The following COL5A2 variants were observed in gnomAD, a reference collection of about 807,000 sequenced individuals.
COL5A2 encodes collagen type V alpha 2 chain, also known as collagen alpha-2(V) chain.
Under a neutral mutation model 208.2 loss-of-function variants are expected in COL5A2, and 23 were observed. The observed-to-expected ratio is 0.11, with a 90% CI of 0.08 to 0.16. COL5A2 has a LOEUF of 0.16. COL5A2 is among the 10% of genes least tolerant of loss of function. The pLI is 1.00. For missense variants in COL5A2, 1,590 were observed against 1,956.4 expected (o/e 0.81, Z 3.53); for synonymous variants, 625 against 628.5 (o/e 0.99, Z 0.08).
At chr2:189,054,008 C>T in intron 36 of COL5A2, 60 bp from the exon 37 acceptor site, 5 of 1,529,206 alleles carry the variant, frequency 3.3e-6, no homozygotes, top group Non-Finnish European at 3.6e-6. Flanking sequence ...AATTTTAGGA[C>T]ATTGGTCACT....
At chr2:189,338,669 G>A in the COL5A2 span, among the ~76,000 whole-genome samples, 1 of 146,504 alleles carries the variant, frequency 6.8e-6, no homozygotes, top group Non-Finnish European at 1.5e-5. Flanking sequence ...ATTATAAAAT[G>A]TTTTTATATT....
At chr2:189,034,660 A>G (rs1685404950) in intron 53 of COL5A2, among the ~76,000 whole-genome samples, 1 of 152,176 alleles carries the variant, frequency 6.6e-6, no homozygotes, top group South Asian at 2.1e-4. Flanking sequence ...AACTTGGAAA[A>G]GAACCAAAGA....
At chr2:189,149,896 T>C (rs1456114881) in intron 1 of COL5A2, among the ~76,000 whole-genome samples, 1 of 152,162 alleles carries the variant, frequency 6.6e-6, no homozygotes, top group Admixed American at 6.5e-5. Flanking sequence ...AATAGAACCT[T>C]TTATTTAGTG....
At chr2:189,358,247 T>A in the COL5A2 span, among the ~76,000 whole-genome samples, 1 of 151,748 alleles carries the variant, frequency 6.6e-6, no homozygotes, top group South Asian at 2.1e-4. Context: ...AAAAAAAAAA[T>A]CACTTCAAAA....
the COL5A2 span, among the ~76,000 whole-genome samples, chr2:189,233,042 A>C: frequency 6.6e-6 from 1 of 151,800 alleles, no homozygotes; most frequent in Non-Finnish European, 1.5e-5. Context: ...TAAGAGAATA[A>C]GCAGCTGGAT....
the COL5A2 span, among the ~76,000 whole-genome samples, chr2:189,306,021 G>C: frequency 3.3e-5 from 5 of 152,184 alleles, no homozygotes; most frequent in African/African-American, 1.2e-4. Flanking sequence ...TCTCTTGAAG[G>C]ACTATTGAAT....
chr2:189,188,879 C>A (rs1167328558), intron 1 of COL5A2, among the ~76,000 whole-genome samples: 1 of 152,138 alleles, frequency 6.6e-6, no homozygotes, highest in Non-Finnish European at 1.5e-5. Context: ...GCAGGGAAGT[C>A]AAAGTGATAT....
the COL5A2 span, among the ~76,000 whole-genome samples, chr2:189,395,467 T>C: frequency 0.14 from 21,590 of 152,228 alleles, 1,957 homozygotes; most frequent in South Asian, 0.21. Flanking sequence ...GCCTCCCTTT[T>C]GGTTTTTATC....
chr2:189,154,521 C>G (rs549980646), intron 1 of COL5A2, among the ~76,000 whole-genome samples: 1 of 152,324 alleles, frequency 6.6e-6, no homozygotes, highest in East Asian at 1.9e-4. Context: ...CCCAGCATAG[C>G]AGAATCTTGC....
chr2:189,215,639 C>T (rs1045565907), intron 1 of COL5A2, among the ~76,000 whole-genome samples: 4 of 151,558 alleles, frequency 2.6e-5, no homozygotes, highest in Non-Finnish European at 4.4e-5. Context: ...TTGGGCAGTG[C>T]TATTCTGAAA....
chr2:189,402,500 G>C, the COL5A2 span, among the ~76,000 whole-genome samples: 7 of 152,384 alleles, frequency 4.6e-5, no homozygotes, highest in Non-Finnish European at 1.0e-4. Flanking sequence ...ACACAGGCAT[G>C]AGCCACTGTG....
At chr2:189,189,605 T>C (rs759782170) in intron 1 of COL5A2, among the ~76,000 whole-genome samples, 5 of 152,106 alleles carry the variant, frequency 3.3e-5, no homozygotes, top group Non-Finnish European at 7.4e-5. Flanking sequence ...TGAGCTATGA[T>C]CATGCCACTG....
intron 1 of COL5A2, among the ~76,000 whole-genome samples, chr2:189,133,772 AAGTGTTAATGAC>A (rs1185308987): frequency 6.6e-6 from 1 of 152,160 alleles, no homozygotes; most frequent in Admixed American, 6.5e-5. Context: ...TTCACCAACC[AAGTGTTAATGAC>A]AGAATCAGAG....
intron 1 of COL5A2, among the ~76,000 whole-genome samples, chr2:189,188,103 T>A (rs1247777949): frequency 6.6e-6 from 1 of 152,224 alleles, no homozygotes; most frequent in Non-Finnish European, 1.5e-5. Context: ...TATATTATGT[T>A]TATTGAGATG....
At chr2:189,308,156 T>C in the COL5A2 span, among the ~76,000 whole-genome samples, 1 of 151,900 alleles carries the variant, frequency 6.6e-6, no homozygotes, top group African/African-American at 2.4e-5. Context: ...TGTTTTCTCA[T>C]GGAAAATCTC....
upstream of COL5A2, among the ~76,000 whole-genome samples, chr2:189,184,606 C>T (rs1419148149): frequency 6.6e-6 from 1 of 152,168 alleles, no homozygotes; most frequent in Non-Finnish European, 1.5e-5. Context: ...ATAGCATATT[C>T]CTGACATGTC....
At chr2:189,129,514 T>G (rs902235597) in intron 1 of COL5A2, among the ~76,000 whole-genome samples, 4 of 152,080 alleles carry the variant, frequency 2.6e-5, no homozygotes, top group Non-Finnish European at 5.9e-5. Flanking sequence ...AATAATTTTA[T>G]GTCAAATTTC....
chr2:189,048,489 T>C (rs1685717223), intron 44 of COL5A2, among the ~76,000 whole-genome samples: 1 of 152,240 alleles, frequency 6.6e-6, no homozygotes, highest in Non-Finnish European at 1.5e-5. Context: ...TTATATTTCT[T>C]ATTTTGAAAA....
At chr2:189,225,248 C>CT (rs1275574720) in exon 1 of COL5A2, among the ~76,000 whole-genome samples, 2 of 152,068 alleles carry the variant, frequency 1.3e-5, no homozygotes, top group African/African-American at 4.8e-5. Flanking sequence ...ATCCAAAAGC[C>CT]TAATAAGGCT....
Sources: gnomAD v4.1 joint callset for allele counts (sites outside exome capture counted in the v4.1 genomes callset) on GRCh38, gnomAD v4.1.1 for gene constraint, MANE v1.5 for transcripts, NCBI Gene and HGNC (gene_info 2026-07-23, HGNC 2026-07-21) for gene names.